The following ITIH5 variants were observed in gnomAD, a reference collection of about 807,000 sequenced individuals.
The protein encoded by ITIH5 is inter-alpha-trypsin inhibitor heavy chain H5.
Under a neutral mutation model 77.5 loss-of-function variants are expected in ITIH5, and 65 were observed. The observed-to-expected ratio is 0.84, with a 90% CI of 0.69 to 1.03. The LOEUF (loss-of-function observed/expected upper bound fraction) is 1.03, where lower values mean the gene tolerates loss of function less well. Among genes scored for constraint, ITIH5 ranks in the 50% least tolerant of loss-of-function variants. The pLI is 0.00. For missense variants in ITIH5, 1,208 were observed against 1,213.1 expected (o/e 1.00, Z 0.06); for synonymous variants, 525 against 494.3 (o/e 1.06, Z -0.82).
rs553826528 is a variant in ITIH5, at chr10:7,569,871, GAATT to G, written c.2033-91_2033-88del. 29 of 666,532 alleles carry G rather than the reference GAATT, an allele frequency of 4.4e-5. No homozygotes were observed. The South Asian group carries it at 8.2e-4, about 19-fold the overall frequency. The allele number at this position is 666,532 out of a possible 1,614,324, so 41.3% of individuals were successfully genotyped here. On this transcript the variant is annotated intron_variant, in intron 11 of 13. Transcript: ENST00000397146. ...TAGGTGCTACTCTCTATTTTCTCATGAATTATTTTATTGAATCCTGAAAACTATT... is the reference window on the plus strand; with the variant it reads ...TAGGTGCTACTCTCTATTTTCTCATGATTTTATTGAATCCTGAAAACTATT...
At chr10:7,596,427 CGG>C (rs1832898892) in intron 7 of ITIH5, among the ~76,000 whole-genome samples, 1 of 152,188 alleles carries the variant, frequency 6.6e-6, no homozygotes, top group Non-Finnish European at 1.5e-5. Context: ...CCACTTCCAT[CGG>C]GTACCCACAA....
chr10:7,651,410 C>A (rs1308497439), intron 2 of ITIH5, among the ~76,000 whole-genome samples: 1 of 152,142 alleles, frequency 6.6e-6, no homozygotes, highest in East Asian at 1.9e-4. Flanking sequence ...ATGGCGAAAC[C>A]CATCTTTACT....
At chr10:7,630,226 A>C (rs1199730758) in intron 5 of ITIH5, among the ~76,000 whole-genome samples, 2 of 152,246 alleles carry the variant, frequency 1.3e-5, no homozygotes, top group East Asian at 3.8e-4. Flanking sequence ...TGTACAATTT[A>C]CTATATACCT....
At chr10:7,633,890 C>A (rs1833752667) in intron 5 of ITIH5, among the ~76,000 whole-genome samples, 1 of 151,668 alleles carries the variant, frequency 6.6e-6, no homozygotes, top group African/African-American at 2.4e-5. Flanking sequence ...GAGATCGAGA[C>A]CATCCTGGCT....
Position 7,666,854 on chromosome 10 carries a change from CA to C in ITIH5, c.38del (p.Leu13ArgfsTer33), listed in dbSNP as rs780707072. On this transcript the variant is annotated frameshift_variant, in exon 1 of 14. Coordinates refer to ENST00000397146, the MANE Select transcript of ITIH5 (RefSeq NM_030569.7). LOFTEE classifies it high-confidence loss of function. ...LLLGLCLGLS[L>X]CVGSQEEAQS... ...GCGCCTCTTCCTGCGACCCCACACA[CA>C]GGGACAGCCCCAGGCACAGCCCCAG... 1 of 1,608,806 alleles carries C rather than the reference CA, an allele frequency of 6.2e-7. No homozygotes were observed. The highest frequency in any genetic ancestry group is 2.2e-5 in the East Asian group (1 of 44,560).
At chr10:7,581,414 C>T (rs949759587) in intron 8 of ITIH5, among the ~76,000 whole-genome samples, 1 of 152,130 alleles carries the variant, frequency 6.6e-6, no homozygotes, top group Non-Finnish European at 1.5e-5. Context: ...ACAATAAACA[C>T]CAATGACATT....
chr10:7,578,638 A>G (rs1268828415), intron 9 of ITIH5: 1 of 152,204 alleles, frequency 6.6e-6, no homozygotes, highest in Admixed American at 6.5e-5. Flanking sequence ...AGGTGTCTCC[A>G]TTTCCATTTA....
intron 1 of ITIH5, 67 bp downstream of exon 1, chr10:7,666,736 G>T: frequency 7.4e-7 from 1 of 1,350,316 alleles, no homozygotes. Context: ...CAGAAGCTCC[G>T]CGGCCGGGCC....
At chr10:7,599,268 A>G (rs924704644) in intron 7 of ITIH5, among the ~76,000 whole-genome samples, 12 of 152,372 alleles carry the variant, frequency 7.9e-5, no homozygotes, top group African/African-American at 2.9e-4. Context: ...GCCTTAGTAC[A>G]TAGGCTTGAC....
chr10:7,601,391 A>G (rs1833012774), intron 7 of ITIH5, among the ~76,000 whole-genome samples: 1 of 152,202 alleles, frequency 6.6e-6, no homozygotes, highest in Non-Finnish European at 1.5e-5. Context: ...TCCTCACAGA[A>G]GCAAATCTTC....
At chr10:7,579,265 C>T (rs959078635) in intron 9 of ITIH5, among the ~76,000 whole-genome samples, 1 of 152,236 alleles carries the variant, frequency 6.6e-6, no homozygotes, top group Non-Finnish European at 1.5e-5. Flanking sequence ...GTGGCTCACG[C>T]CCATAATCCC....
chr10:7,576,176 C>T (rs578242546), intron 10 of ITIH5, among the ~76,000 whole-genome samples: 1 of 152,190 alleles, frequency 6.6e-6, no homozygotes, highest in South Asian at 2.1e-4. Flanking sequence ...AGGCATTCCA[C>T]CATACATAGA....
At chr10:7,583,284 T>C (rs1003700265) in intron 8 of ITIH5, among the ~76,000 whole-genome samples, 5 of 152,198 alleles carry the variant, frequency 3.3e-5, no homozygotes, top group African/African-American at 4.8e-5. Flanking sequence ...AGAGCCCAAA[T>C]GGAAAGAAAG....
chr10:7,576,656 C>T lies in ITIH5; in HGVS notation c.1775G>A (p.Ser592Asn), dbSNP rs1252346255. Residue 592 changes from serine (S) to asparagine (N), a missense_variant, in exon 10 of 14, where the codon AGT (serine) becomes AAT (asparagine). Ser to Asn is a conservative substitution (Grantham distance 46). Coordinates refer to ENST00000397146, the MANE Select transcript of ITIH5 (RefSeq NM_030569.7). ...TKELLSSWLQ[S>N]DDEPEKERLR... The stretch of plus-strand genomic sequence containing the variant: ...CCGCTCCTTCTCCGGTTCATCGTCA[C>T]TTTGCAGCCAGGAGCTCAGCAGCTC... The T allele has an allele frequency of 6.2e-7, 1 of 1,614,230 alleles. No individual in the cohort carries two copies. Among genetic ancestry groups the T allele is most frequent in the East Asian group, 2.2e-5 (1 of 44,882 alleles).
chr10:7,616,551 A>C (rs1401307371), intron 6 of ITIH5, among the ~76,000 whole-genome samples: 1 of 152,174 alleles, frequency 6.6e-6, no homozygotes, highest in African/African-American at 2.4e-5. Flanking sequence ...ACATGGACCA[A>C]GCGCGGTGGC....
At chr10:7,611,006 G>A (rs1833233189) in intron 7 of ITIH5, among the ~76,000 whole-genome samples, 1 of 152,242 alleles carries the variant, frequency 6.6e-6, no homozygotes, top group Non-Finnish European at 1.5e-5. Context: ...CCTGCCTTCT[G>A]CAATGCAGCC....
chr10:7,624,146 CTA>C (rs1393850967), intron 5 of ITIH5, among the ~76,000 whole-genome samples: 2 of 152,176 alleles, frequency 1.3e-5, no homozygotes, highest in Non-Finnish European at 2.9e-5. Flanking sequence ...CCAAGAGAGA[CTA>C]TGTGTGAAAA....
At chr10:7,575,620 G>A (rs980211141) in intron 10 of ITIH5, among the ~76,000 whole-genome samples, 25 of 152,116 alleles carry the variant, frequency 1.6e-4, no homozygotes, top group African/African-American at 5.1e-4. Context: ...GAATGGCACC[G>A]GGACTGACTG....
At chr10:7,654,932 A>C (rs1377323870) in intron 2 of ITIH5, among the ~76,000 whole-genome samples, 1 of 151,354 alleles carries the variant, frequency 6.6e-6, no homozygotes, top group Non-Finnish European at 1.5e-5. Context: ...GATCAGAAGA[A>C]GGAAAGGAGA....
Sources: allele counts gnomAD v4.1 joint callset (sites outside exome capture counted in the v4.1 genomes callset), GRCh38; gene constraint gnomAD v4.1.1; transcripts MANE v1.5; gene names NCBI Gene and HGNC (gene_info 2026-07-23, HGNC 2026-07-21).